The following PPP1R14C variants were observed in gnomAD, a reference collection of about 807,000 sequenced individuals.
PPP1R14C encodes protein phosphatase 1 regulatory subunit 14C.
Under a neutral mutation model 20.4 loss-of-function variants are expected in PPP1R14C, and 16 were observed. The observed-to-expected ratio is 0.78, with a 90% confidence interval of 0.53 to 1.19. PPP1R14C has a LOEUF of 1.19. Ranked by LOEUF, PPP1R14C falls within the 50% of genes most tolerant of loss-of-function variation. The pLI is 0.00. For missense variants in PPP1R14C, 211 were observed against 220.1 expected (o/e 0.96, Z 0.26); for synonymous variants, 91 against 91.0 (o/e 1.00, Z 0.00).
intron 1 of PPP1R14C, among the ~76,000 whole-genome samples, chr6:150,191,042 ACT>A: frequency 6.6e-6 from 1 of 151,464 alleles, no homozygotes; most frequent in South Asian, 2.1e-4. Context: ...TTTGCCCTTC[ACT>A]CTCTCTGCTC....
intron 3 of PPP1R14C, among the ~76,000 whole-genome samples, chr6:150,226,539 G>A (rs1003277438): frequency 2.0e-5 from 3 of 152,080 alleles, no homozygotes. Context: ...ATTGTACTGG[G>A]AGGATGAACA....
rs746412678 is a variant in PPP1R14C, at chr6:150,248,817, A to G, written c.495A>G (p.Val165=). 13 of 1,607,204 alleles carry G rather than the reference A, an allele frequency of 8.1e-6. No individual in the cohort carries two copies. In the Admixed American group the frequency reaches 1.2e-4, roughly 14 times the overall value. ...RKLSPPQKKS[V] is the part of the protein sequence containing the mutation. Reference sequence around the variant, plus strand: ...TGAGCCCTCCGCAGAAGAAGAGTGTATGATTCTGGAACAGGGTGAAACTCT... The same window carrying G: ...TGAGCCCTCCGCAGAAGAAGAGTGTGTGATTCTGGAACAGGGTGAAACTCT... Residue 165 remains valine, a synonymous_variant, in exon 4 of 4, where the codon GTA becomes GTG. Coordinates refer to ENST00000361131, the MANE Select transcript of PPP1R14C (RefSeq NM_030949.3).
chr6:150,211,602 A>G (rs1174173848), intron 1 of PPP1R14C, among the ~76,000 whole-genome samples: 1 of 152,228 alleles, frequency 6.6e-6, no homozygotes, highest in African/African-American at 2.4e-5. Flanking sequence ...CAGAAGATAA[A>G]GTTAAATAGG....
At chr6:150,218,327 T>C (rs368863424) in intron 3 of PPP1R14C, among the ~76,000 whole-genome samples, 63 of 151,818 alleles carry the variant, frequency 4.1e-4, no homozygotes, top group Admixed American at 7.9e-4. Context: ...GGCGTGAACC[T>C]GGGAGGCGGA....
At chr6:150,232,864 A>G (rs1778310128) in intron 3 of PPP1R14C, among the ~76,000 whole-genome samples, 1 of 152,252 alleles carries the variant, frequency 6.6e-6, no homozygotes, top group Non-Finnish European at 1.5e-5. Flanking sequence ...GAATATTTGT[A>G]TTTGACTAGA....
chr6:150,236,086 G>T (rs1268813919), intron 3 of PPP1R14C, among the ~76,000 whole-genome samples: 1 of 152,192 alleles, frequency 6.6e-6, no homozygotes, highest in Non-Finnish European at 1.5e-5. Flanking sequence ...CCCCAGGGTG[G>T]TGATCATCCC....
intron 1 of PPP1R14C, among the ~76,000 whole-genome samples, chr6:150,190,795 G>C (rs1292602773): frequency 1.3e-5 from 2 of 152,142 alleles, no homozygotes; most frequent in Non-Finnish European, 2.9e-5. Flanking sequence ...CCCAGAGTCT[G>C]TCCTTCTCTA....
intron 3 of PPP1R14C, among the ~76,000 whole-genome samples, chr6:150,227,634 C>T (rs991723227): frequency 1.3e-5 from 2 of 152,154 alleles, no homozygotes; most frequent in East Asian, 1.9e-4. Context: ...AAAAAGACGG[C>T]AATCTTGGGC....
Position 150,250,259 on chromosome 6 carries a change from G to A in PPP1R14C, c.*1439G>A, listed in dbSNP as rs1004048350. Reference sequence around the variant, plus strand: ...TAAAAAAACTATGTTTGTGAATTTTGCGTATACTGGCAAGCTTTTGAAAAT... The same window carrying A: ...TAAAAAAACTATGTTTGTGAATTTTACGTATACTGGCAAGCTTTTGAAAAT... On this transcript the variant is annotated 3_prime_UTR_variant, in exon 4 of 4. Coordinates refer to ENST00000361131, the MANE Select transcript of PPP1R14C (RefSeq NM_030949.3). The A allele has an allele frequency of 6.6e-6, 1 of 152,590 alleles. No homozygotes were observed. Among genetic ancestry groups the A allele is most frequent in the African/African-American group, 2.4e-5 (1 of 41,446 alleles). 9.5% of individuals were successfully genotyped at this position (152,590 alleles called of 1,614,324 possible). A position where few individuals can be genotyped will look rare whatever the true frequency, so the allele number is the denominator to read the frequency against.
intron 1 of PPP1R14C, among the ~76,000 whole-genome samples, chr6:150,150,511 T>C (rs1351531726): frequency 6.6e-6 from 1 of 152,156 alleles, no homozygotes; most frequent in Admixed American, 6.5e-5. Flanking sequence ...TGGCAGCCCC[T>C]GGTCTCCCTC....
chr6:150,194,162 C>A (rs1777776981), intron 1 of PPP1R14C, among the ~76,000 whole-genome samples: 1 of 152,158 alleles, frequency 6.6e-6, no homozygotes, highest in Non-Finnish European at 1.5e-5. Flanking sequence ...ACTGTGAGTT[C>A]ATTAAACCTC....
chr6:150,150,728 C>G (rs1777236224), intron 1 of PPP1R14C, among the ~76,000 whole-genome samples: 1 of 152,154 alleles, frequency 6.6e-6, no homozygotes, highest in East Asian at 1.9e-4. Flanking sequence ...TCCCAGTCTC[C>G]TCCTCTGCAA....
chr6:150,164,251 A>T (rs1342628319), intron 1 of PPP1R14C, among the ~76,000 whole-genome samples: 1 of 152,182 alleles, frequency 6.6e-6, no homozygotes, highest in Non-Finnish European at 1.5e-5. Context: ...GTTGTCTTTT[A>T]TATATCCTGG....
chr6:150,145,033 C>T (rs1161308245), intron 1 of PPP1R14C, among the ~76,000 whole-genome samples: 2 of 151,478 alleles, frequency 1.3e-5, no homozygotes, highest in African/African-American at 4.9e-5. Context: ...GGAAAAGATT[C>T]GAATTAATAG....
chr6:150,158,022 T>C (rs911674392), intron 1 of PPP1R14C, among the ~76,000 whole-genome samples: 1 of 152,208 alleles, frequency 6.6e-6, no homozygotes, highest in Non-Finnish European at 1.5e-5. Flanking sequence ...GCTTGGTCTA[T>C]CTAGAAGGAT....
At chr6:150,189,010 C>T (rs957581367) in intron 1 of PPP1R14C, among the ~76,000 whole-genome samples, 3 of 151,972 alleles carry the variant, frequency 2.0e-5, no homozygotes, top group African/African-American at 7.3e-5. Flanking sequence ...AGGTGTGCGC[C>T]ACCATGCCCG....
intron 1 of PPP1R14C, among the ~76,000 whole-genome samples, chr6:150,170,549 C>T (rs1484241657): frequency 6.6e-6 from 1 of 152,106 alleles, no homozygotes; most frequent in African/African-American, 2.4e-5. Context: ...GTCTTGATCT[C>T]CTGACCTCGT....
intron 1 of PPP1R14C, among the ~76,000 whole-genome samples, chr6:150,192,567 G>A (rs12204657): frequency 0.61 from 93,117 of 152,054 alleles, 29,906 homozygotes; most frequent in African/African-American, 0.82. Flanking sequence ...CAGTACCACT[G>A]TGCTTTAAAG....
At chr6:150,220,068 T>C (rs563098438) in intron 3 of PPP1R14C, among the ~76,000 whole-genome samples, 7 of 152,158 alleles carry the variant, frequency 4.6e-5, no homozygotes, top group Non-Finnish European at 1.0e-4. Flanking sequence ...TTGGCCAGGC[T>C]GGTCTGAAAC....
Sources: gnomAD v4.1 joint callset for allele counts (sites outside exome capture counted in the v4.1 genomes callset) on GRCh38, gnomAD v4.1.1 for gene constraint, MANE v1.5 for transcripts, NCBI Gene and HGNC (gene_info 2026-07-23, HGNC 2026-07-21) for gene names.